The following CHCHD6 variants were observed in gnomAD, a reference collection of about 807,000 sequenced individuals.
The protein encoded by CHCHD6 is MICOS complex subunit MIC25.
CHCHD6 carries 28 observed loss-of-function variants against 32.3 expected under a neutral mutation model. The observed-to-expected ratio is 0.87, with a 90% CI of 0.64 to 1.19. CHCHD6 has a LOEUF of 1.19. CHCHD6 is among the 50% of genes most tolerant of loss of function. The pLI is 0.00. For synonymous variants in CHCHD6, 122 were observed against 117.5 expected (o/e 1.04, Z -0.25); for missense variants, 333 against 307.0 (o/e 1.08, Z -0.63).
intron 6 of CHCHD6, chr3:126,935,298 C>CT (rs1392389082): frequency 3.6e-6 from 1 of 278,358 alleles, no homozygotes; most frequent in African/African-American, 2.3e-5. Context: ...GGTGTTAAGG[C>CT]TGGCCTCATC....
At chr3:126,756,651 C>T (rs77907645) in intron 4 of CHCHD6, among the ~76,000 whole-genome samples, 2,116 of 152,332 alleles carry the variant, frequency 0.014, 41 homozygotes, top group African/African-American at 0.047. Flanking sequence ...GTTGTAGTAT[C>T]AAGCAGCCTC....
intron 5 of CHCHD6, among the ~76,000 whole-genome samples, chr3:126,908,482 A>G (rs758196957): frequency 3.7e-4 from 57 of 152,306 alleles, no homozygotes; most frequent in African/African-American, 1.2e-3. Context: ...AGATATTCTT[A>G]AGTGGGATCA....
At chr3:126,802,908 T>G (rs569421963) in intron 4 of CHCHD6, among the ~76,000 whole-genome samples, 1 of 152,010 alleles carries the variant, frequency 6.6e-6, no homozygotes, top group Non-Finnish European at 1.5e-5. Flanking sequence ...GGGGCCGATA[T>G]TCAACATTCT....
At chr3:126,749,651 C>T (rs1483798234) in intron 4 of CHCHD6, among the ~76,000 whole-genome samples, 1 of 152,222 alleles carries the variant, frequency 6.6e-6, no homozygotes, top group Non-Finnish European at 1.5e-5. Context: ...CTGCCAGCCT[C>T]AGCAGCCTTG....
chr3:126,946,655 C>CA (rs1357741410), intron 6 of CHCHD6, among the ~76,000 whole-genome samples: 1 of 152,184 alleles, frequency 6.6e-6, no homozygotes, highest in Non-Finnish European at 1.5e-5. Flanking sequence ...GGCTGAGTGG[C>CA]ACATCGTCAA....
intron 4 of CHCHD6, among the ~76,000 whole-genome samples, chr3:126,734,842 T>C (rs181882155): frequency 6.8e-4 from 103 of 152,160 alleles, no homozygotes; most frequent in Non-Finnish European, 2.1e-4. Context: ...GAAGCTGGAT[T>C]TTAGAAGGCC....
chr3:126,717,768 G>GT (rs1559801508), intron 1 of CHCHD6, among the ~76,000 whole-genome samples: 1 of 142,252 alleles, frequency 7.0e-6, no homozygotes, highest in African/African-American at 2.6e-5. Flanking sequence ...AGTGCTGAGG[G>GT]GTGTGTGTGT....
chr3:126,837,754 G>T (rs1397612089), intron 4 of CHCHD6, among the ~76,000 whole-genome samples: 1 of 152,104 alleles, frequency 6.6e-6, no homozygotes, highest in East Asian at 1.9e-4. Flanking sequence ...TTATGCTTTT[G>T]CCCTGACCAA....
At chr3:126,752,776 G>A (rs1936780561) in intron 4 of CHCHD6, among the ~76,000 whole-genome samples, 1 of 152,158 alleles carries the variant, frequency 6.6e-6, no homozygotes, top group Admixed American at 6.5e-5. Flanking sequence ...CTCTCACCCT[G>A]TTCTCCTCCT....
chr3:126,801,103 A>G (rs1431436179), intron 4 of CHCHD6, among the ~76,000 whole-genome samples: 1 of 152,242 alleles, frequency 6.6e-6, no homozygotes, highest in African/African-American at 2.4e-5. Context: ...GAATAGGAAC[A>G]GCTCCGGTCC....
Position 126,960,321 on chromosome 3 carries a change from C to G in CHCHD6, c.*120C>G, listed in dbSNP as rs2078842876. ...CTGGGCCCCTGCATATGCCCCTGAGCCTGGGGCTGCCACGTGTTTAGGAAA... is the reference window on the plus strand; with the variant it reads ...CTGGGCCCCTGCATATGCCCCTGAGGCTGGGGCTGCCACGTGTTTAGGAAA... On this transcript the variant is annotated 3_prime_UTR_variant, in exon 8 of 8. Transcript: ENST00000290913. 1 of 1,140,532 alleles carries G rather than the reference C, an allele frequency of 8.8e-7. No homozygotes were observed. The highest frequency in any genetic ancestry group is 1.3e-5 in the South Asian group (1 of 75,266). 70.7% of individuals were successfully genotyped at this position (1,140,532 alleles called of 1,614,324 possible). A position where few individuals can be genotyped will look rare whatever the true frequency, so the allele number is the denominator to read the frequency against.
intron 5 of CHCHD6, among the ~76,000 whole-genome samples, chr3:126,896,848 G>A (rs1209621977): frequency 1.3e-5 from 2 of 152,208 alleles, no homozygotes; most frequent in African/African-American, 4.8e-5. Flanking sequence ...CATGGGGGCT[G>A]GAGAGGGAAA....
intron 5 of CHCHD6, among the ~76,000 whole-genome samples, chr3:126,889,287 C>T (rs947491096): frequency 6.6e-6 from 1 of 152,160 alleles, no homozygotes; most frequent in Non-Finnish European, 1.5e-5. Flanking sequence ...GAGCTGGGGC[C>T]ACAGTGCCAG....
intron 4 of CHCHD6, among the ~76,000 whole-genome samples, chr3:126,813,730 T>C (rs1477543446): frequency 6.6e-6 from 1 of 152,090 alleles, no homozygotes; most frequent in Non-Finnish European, 1.5e-5. Context: ...GAATCCAGGG[T>C]CCACCCTCAC....
intron 4 of CHCHD6, among the ~76,000 whole-genome samples, chr3:126,759,243 GTATTGT>G (rs1272562997): frequency 6.6e-6 from 1 of 152,188 alleles, no homozygotes; most frequent in Non-Finnish European, 1.5e-5. Flanking sequence ...CACTCTACCT[GTATTGT>G]TATTGAGTCA....
At chr3:126,753,571 T>C (rs1171564276) in intron 4 of CHCHD6, among the ~76,000 whole-genome samples, 1 of 152,216 alleles carries the variant, frequency 6.6e-6, no homozygotes, top group Non-Finnish European at 1.5e-5. Context: ...CTCAACCTTA[T>C]TGGGACCTTG....
intron 4 of CHCHD6, among the ~76,000 whole-genome samples, chr3:126,768,947 A>G (rs1408592473): frequency 6.6e-6 from 1 of 152,184 alleles, no homozygotes; most frequent in African/African-American, 2.4e-5. Flanking sequence ...GACCTCTGTC[A>G]GATGTATAGC....
At chr3:126,832,753 C>T (rs1940696012) in intron 4 of CHCHD6, among the ~76,000 whole-genome samples, 1 of 152,122 alleles carries the variant, frequency 6.6e-6, no homozygotes, top group South Asian at 2.1e-4. Context: ...AGTAATGCCT[C>T]CTGGTGGTCT....
intron 4 of CHCHD6, among the ~76,000 whole-genome samples, chr3:126,752,631 T>C (rs542338021): frequency 8.5e-5 from 13 of 152,184 alleles, no homozygotes; most frequent in Non-Finnish European, 1.6e-4. Context: ...GGCTTTTTAG[T>C]GTTATCTGAC....
Sources: gnomAD v4.1 joint callset for allele counts (sites outside exome capture counted in the v4.1 genomes callset) on GRCh38, gnomAD v4.1.1 for gene constraint, MANE v1.5 for transcripts, NCBI Gene and HGNC (gene_info 2026-07-23, HGNC 2026-07-21) for gene names.